SMG9: variants seen among roughly 807,000 people sequenced by gnomAD.
SMG9 encodes SMG9 nonsense mediated mRNA decay factor.
Under a neutral mutation model 64.0 loss-of-function variants are expected in SMG9, and 55 were observed. That is an observed-to-expected ratio of 0.86 (90% CI 0.69 to 1.08). The LOEUF (loss-of-function observed/expected upper bound fraction) is 1.08. SMG9 is among the 50% of genes least tolerant of loss of function. SMG9 has a pLI of 0.00. For synonymous variants in SMG9, 244 were observed against 254.8 expected, an observed-to-expected ratio of 0.96 and a Z score of 0.41; for missense variants, 554 against 681.3, an observed-to-expected ratio of 0.81 and a Z score of 2.08.
intron 6 of SMG9, among the ~76,000 whole-genome samples, chr19:43,744,082 A>G (rs764749959): frequency 1.3e-5 from 2 of 151,996 alleles, no homozygotes; most frequent in Non-Finnish European, 2.9e-5. Context: ...CTGTTTCTCA[A>G]GTTCTCCCCT....
chr19:43,744,769 C>A lies in SMG9; in HGVS notation c.701+3G>T. 2 of 1,611,208 alleles carry A rather than the reference C, an allele frequency of 1.2e-6. No homozygotes were observed. The highest frequency in any genetic ancestry group is 2.2e-5 in the South Asian group (2 of 90,876). ...TCCTGCACCCTATCTGATAGCCCCT[C>A]ACCTCTGGTCCTCCTCTGGAGTGTT... On this transcript the variant is annotated splice_donor_region_variant and intron_variant, in intron 6 of 13. Transcript: ENST00000270066.
intron 2 of SMG9, among the ~76,000 whole-genome samples, chr19:43,748,301 G>T (rs1969091504): frequency 1.3e-5 from 2 of 152,324 alleles, no homozygotes; most frequent in Middle Eastern, 6.8e-3. Flanking sequence ...CAAGCATTCT[G>T]CTCAGCTGCC....
chr19:43,747,839 T>C lies in SMG9; in HGVS notation c.284A>G (p.Glu95Gly). 1 of 1,606,948 alleles carries C rather than the reference T, an allele frequency of 6.2e-7. No individual in the cohort carries two copies. The highest frequency in any genetic ancestry group is 1.3e-5 in the African/African-American group (1 of 74,902). The change falls in exon 4 of 14, where the codon GAG (glutamate) becomes GGG (glycine). Residue 95 changes from glutamate to glycine, a missense_variant. Transcript: ENST00000270066. ...PAAPPAPAPL[E>G]KPIVLMKPRE... ...TGGCTTCATGAGAACGATGGGCTTCTCCAGAGGGGCTGGAGCAGGCGGGGC... is the reference window on the plus strand; with the variant it reads ...TGGCTTCATGAGAACGATGGGCTTCCCCAGAGGGGCTGGAGCAGGCGGGGC...
intron 1 of SMG9, among the ~76,000 whole-genome samples, chr19:43,751,400 G>C (rs957203670): frequency 5.9e-5 from 9 of 152,344 alleles, no homozygotes; most frequent in African/African-American, 1.9e-4. Flanking sequence ...GCCTCCCAAA[G>C]GGCTGGGATT....
intron 10 of SMG9, 110 bp downstream of exon 10, chr19:43,734,279 C>T (rs907938726): frequency 1.1e-6 from 1 of 874,194 alleles, no homozygotes; most frequent in Non-Finnish European, 1.8e-6. Context: ...AAGTGCTCCA[C>T]CCAGAACCCC....
intron 5 of SMG9, among the ~76,000 whole-genome samples, chr19:43,746,033 C>T (rs930689628): frequency 1.3e-5 from 2 of 149,574 alleles, no homozygotes; most frequent in African/African-American, 2.5e-5. Context: ...ACTATCTGCG[C>T]GTGATGTCGC....
At chr19:43,737,431 T>C (rs991993099) in intron 9 of SMG9, among the ~76,000 whole-genome samples, 166 bp downstream of exon 9, 5 of 152,198 alleles carry the variant, frequency 3.3e-5, no homozygotes, top group Admixed American at 1.3e-4. Context: ...GGGCTGTGTG[T>C]GCGCGCAGTG....
chr19:43,749,688 T>C (rs1969135263), intron 2 of SMG9, among the ~76,000 whole-genome samples: 3 of 152,110 alleles, frequency 2.0e-5, no homozygotes, highest in Non-Finnish European at 2.9e-5. Context: ...GACAGGGCCC[T>C]AGAGAAAAAA....
rs1968564097 is a variant in SMG9 at position 43,733,749 on chromosome 19, G to A, written c.1103-16C>T. ...TGCAAGAAGACTGAGGGTGGGAAGAGACGGGCCCTGTCAGGCAGACATCGC... is the reference window on the plus strand; with the variant it reads ...TGCAAGAAGACTGAGGGTGGGAAGAAACGGGCCCTGTCAGGCAGACATCGC... On this transcript the variant is annotated splice_polypyrimidine_tract_variant and intron_variant, in intron 10 of 13. Coordinates refer to ENST00000270066, the MANE Select transcript of SMG9 (RefSeq NM_019108.4). The A allele has an allele frequency of 6.2e-7, 1 of 1,606,410 alleles. No homozygotes were observed. Among genetic ancestry groups the A allele is most frequent in the Non-Finnish European group, 8.5e-7 (1 of 1,173,390 alleles).
chr19:43,735,374 T>C (rs559190871), intron 9 of SMG9, among the ~76,000 whole-genome samples: 10 of 152,176 alleles, frequency 6.6e-5, no homozygotes, highest in Admixed American at 2.6e-4. Flanking sequence ...TCTCAGCACT[T>C]TGGGGAGCTG....
Position 43,730,297 on chromosome 19 carries a change from T to G in SMG9, c.*1299A>C, listed in dbSNP as rs960929244. The G allele has an allele frequency of 1.3e-5, 2 of 152,188 alleles. No homozygotes were observed. Among genetic ancestry groups the G allele is most frequent in the African/African-American group, 4.8e-5 (2 of 41,428 alleles). 9.4% of individuals were successfully genotyped at this position (152,188 alleles called of 1,614,324 possible). ...AGACATACTTTGGGAAACCTCAAAC[T>G]AAGATCATGTACTGTATTTAACTGA... On this transcript the variant is annotated 3_prime_UTR_variant, in exon 14 of 14. Transcript: ENST00000270066.
intron 1 of SMG9, 88 bp from the exon 2 acceptor site, chr19:43,750,835 C>CT (rs989477526): frequency 1.4e-4 from 172 of 1,256,684 alleles, no homozygotes; most frequent in Middle Eastern, 2.0e-4. Flanking sequence ...TCCCTTCTTT[C>CT]TTTTTTTTGG....
chr19:43,744,913 C>A (rs773413205), intron 5 of SMG9, 29 bp from the exon 6 acceptor site: 2 of 1,566,332 alleles, frequency 1.3e-6, no homozygotes, highest in Admixed American at 3.4e-5. Flanking sequence ...ATGACTCTGA[C>A]AAGTCTGTCA....
At position 43,753,278 on chromosome 19, in the gene SMG9, T is replaced by C. The variant is rs1056801442; in HGVS notation, c.-7+1376A>G. On this transcript the variant is annotated intron_variant, in intron 1 of 13. Transcript: ENST00000270066. The stretch of plus-strand genomic sequence containing the variant: ...TGGGATGGAGATTCTCCCCAGAATC[T>C]GAGACTCCTCCCTCACTTGCAATTA... Among the ~76,000 whole-genome samples, 6 of 152,278 alleles carry C rather than the reference T, an allele frequency of 3.9e-5. No homozygotes were observed. In the East Asian group the frequency reaches 1.2e-3, roughly 29 times the overall value.
At chr19:43,748,641 G>C (rs772090756) in intron 2 of SMG9, 3 of 520,022 alleles carry the variant, frequency 5.8e-6, no homozygotes, top group East Asian at 5.4e-5. Context: ...CTGGCAGGCT[G>C]ATCCCAAGCC....
chr19:43,733,752 G>T lies in SMG9; in HGVS notation c.1103-19C>A, dbSNP rs766659706. 1.9e-6 allele frequency: 3 copies of T among 1,603,204 alleles called. No homozygotes were observed. Among genetic ancestry groups the T allele is most frequent in the Admixed American group, 3.3e-5 (2 of 59,818 alleles). The stretch of plus-strand genomic sequence containing the variant: ...AAGAAGACTGAGGGTGGGAAGAGAC[G>T]GGCCCTGTCAGGCAGACATCGCTTG... On this transcript the variant is annotated intron_variant, in intron 10 of 13. Coordinates refer to ENST00000270066, the MANE Select transcript of SMG9 (RefSeq NM_019108.4).
rs753092840 is a variant in SMG9, at chr19:43,747,747, G to T, written c.376C>A (p.Pro126Thr). The change falls in exon 4 of 14, where the codon CCC becomes ACC. Residue 126 changes from proline to threonine, a missense_variant. Pro to Thr is a conservative substitution (Grantham distance 38). Transcript: ENST00000270066. ...TTGGGTGGCGCAGGGGCTGCAGGGG[G>T]TGGTGGGGCGGTGCCCTCAGGGGTA... ...ASTPEGTAPP[P>T]PAAPAPPKGE... 2 of 1,610,288 alleles carry T rather than the reference G, an allele frequency of 1.2e-6. No individual in the cohort carries two copies. Among genetic ancestry groups the T allele is most frequent in the African/African-American group, 1.3e-5 (1 of 75,036 alleles).
At chr19:43,733,910 AGT>A in intron 10 of SMG9, 177 bp from the exon 11 acceptor site, 1 of 603,348 alleles carries the variant, frequency 1.7e-6, no homozygotes, top group Non-Finnish European at 3.0e-6. Flanking sequence ...GGGACCCAGA[AGT>A]GAGTCAGGTC....
chr19:43,733,641 GGGAGTGGGCCATGAGCTGGTCAAT>G lies in SMG9; in HGVS notation c.1171_1194del (p.Ile391_Ser398del). On this transcript the variant is annotated inframe_deletion, in exon 11 of 14. Transcript: ENST00000270066. ...GAACCCTTACCCTTGTAACGCAGGTGGGAGTGGGCCATGAGCTGGTCAATCATCAGGTGCATCTGCCGCAGCTTC... is the reference window on the plus strand; with the variant it reads ...GAACCCTTACCCTTGTAACGCAGGTGCATCAGGTGCATCTGCCGCAGCTTC... 1.2e-6 allele frequency: 2 copies of G among 1,614,066 alleles called. No individual in the cohort carries two copies. The highest frequency in any genetic ancestry group is 1.7e-6 in the Non-Finnish European group (2 of 1,179,946).
Sources: allele counts gnomAD v4.1 joint callset (sites outside exome capture counted in the v4.1 genomes callset), GRCh38; gene constraint gnomAD v4.1.1; transcripts MANE v1.5; gene names NCBI Gene and HGNC (gene_info 2026-07-23, HGNC 2026-07-21).